The following TTC14 variants were observed in gnomAD, a reference collection of about 807,000 sequenced individuals.
TTC14 encodes the protein tetratricopeptide repeat domain 14.
In TTC14, 63 loss-of-function variants were observed where a neutral mutation model predicts 79.9. That is an observed-to-expected ratio of 0.79 (90% CI 0.64 to 0.97). TTC14 has a LOEUF of 0.97. Among genes scored for constraint, TTC14 ranks in the 50% least tolerant of loss-of-function variants. The pLI, the probability that TTC14 is intolerant of heterozygous loss-of-function variation, is 0.00. For synonymous variants in TTC14, 335 were observed against 309.6 expected, an observed-to-expected ratio of 1.08 and a Z score of -0.86; for missense variants, 895 against 894.0, an observed-to-expected ratio of 1.00 and a Z score of -0.01.
At chr3:180,617,002 C>T in intron 12 of TTC14, 5 of 1,113,734 alleles carry the variant, frequency 4.5e-6, no homozygotes, top group East Asian at 2.7e-5. Flanking sequence ...TTTTTAGAAT[C>T]AGAAATTGAC....
downstream of TTC14, chr3:180,611,191 A>G (rs1716982940): frequency 1.0e-6 from 1 of 984,012 alleles, no homozygotes; most frequent in African/African-American, 1.7e-5. Context: ...ATAGGAGCCC[A>G]TTTTGCTTAT....
chr3:180,615,432 T>G (rs753095318), downstream of TTC14, among the ~76,000 whole-genome samples: 6 of 152,166 alleles, frequency 3.9e-5, no homozygotes, highest in Non-Finnish European at 8.8e-5. Context: ...CAAAAATAAT[T>G]AAAATGATAC....
intron 12 of TTC14, chr3:180,616,360 C>A: frequency 6.2e-7 from 1 of 1,610,642 alleles, no homozygotes; most frequent in Non-Finnish European, 8.5e-7. Flanking sequence ...AGTTCTAACC[C>A]ACTCTGGAGG....
Position 180,611,006 on chromosome 3 carries a change from T to C in TTC14, c.*464T>C, listed in dbSNP as rs1716973258. 2 of 936,328 alleles carry C rather than the reference T, an allele frequency of 2.1e-6. No individual in the cohort carries two copies. The highest frequency in any genetic ancestry group is 1.3e-6 in the Non-Finnish European group (1 of 785,532). 58.0% of individuals were successfully genotyped at this position (936,328 alleles called of 1,614,324 possible). ...ATGTTCGAATGTTTCTTGAACACTT[T>C]TATATTTATCAGTTTAAATATTACA... On this transcript the variant is annotated 3_prime_UTR_variant, in exon 12 of 12. Transcript: ENST00000296015.
At chr3:180,608,616 G>C in intron 10 of TTC14, 85 bp from the exon 11 acceptor site, 3 of 1,363,824 alleles carry the variant, frequency 2.2e-6, no homozygotes, top group Non-Finnish European at 2.8e-6. Context: ...TGGGTTTCTC[G>C]TTGGGGGTGG....
In TTC14 at chr3:180,616,649, T is replaced by A; in HGVS notation, c.1775-731T>A. On this transcript the variant is annotated intron_variant, in intron 12 of 12. Coordinates refer to the TTC14 transcript ENST00000382584. The stretch of plus-strand genomic sequence containing the variant: ...GATGTCTTGTTCTTCCATTGTTTCA[T>A]CTTTTGTGTCTTTCAAAAGACGGAT... 6.3e-7 allele frequency: 1 copy of A among 1,592,696 alleles called. No homozygotes were observed. The highest frequency in any genetic ancestry group is 8.6e-7 in the Non-Finnish European group (1 of 1,167,852).
chr3:180,617,440 A>G (rs1459468136), exon 13 of TTC14: 1 of 684,792 alleles, frequency 1.5e-6, no homozygotes. Context: ...CCTTCAGGAG[A>G]TATTCCAGAA....
chr3:180,609,540 A>C, intron 11 of TTC14, 90 bp from the exon 12 acceptor site: 6 of 1,369,224 alleles, frequency 4.4e-6, no homozygotes, highest in Non-Finnish European at 5.7e-6. Flanking sequence ...CTTTTATAAA[A>C]TCTTTAAAGG....
Position 180,609,844 on chromosome 3 carries a change from G to A in TTC14, c.1615G>A (p.Val539Ile), listed in dbSNP as rs1273926214. Residue 539 changes from valine to isoleucine, a missense_variant, in exon 12 of 12, where the codon GTT becomes ATT. Val to Ile is a conservative substitution (Grantham distance 29). Transcript: ENST00000296015. ...GAATAGGAAAGATGAGTGCTACCCA[G>A]TTCCAGCTAATACTTCAGCATCTTT... ...DQNRKDECYP[V>I]PANTSASFLN... The A allele has an allele frequency of 6.2e-7, 1 of 1,613,640 alleles. No homozygotes were observed. The highest frequency in any genetic ancestry group is 8.5e-7 in the Non-Finnish European group (1 of 1,179,850).
In TTC14 at chr3:180,610,060, A is replaced by G; in HGVS notation, c.1831A>G (p.Ser611Gly). ...YNSYKTQAGSSKTEKPYKSER... is the reference protein window; with the variant it reads ...YNSYKTQAGSGKTEKPYKSER... ...CAGCTATAAAACCCAAGCAGGTAGTAGCAAAACAGAAAAGCCATATAAATC... is the reference window on the plus strand; with the variant it reads ...CAGCTATAAAACCCAAGCAGGTAGTGGCAAAACAGAAAAGCCATATAAATC... Residue 611 changes from serine to glycine, a missense_variant, in exon 12 of 12, where the codon AGC becomes GGC. Coordinates refer to ENST00000296015, the MANE Select transcript of TTC14 (RefSeq NM_133462.4). 1 of 1,614,076 alleles carries G rather than the reference A, an allele frequency of 6.2e-7. No individual in the cohort carries two copies. Among genetic ancestry groups the G allele is most frequent in the South Asian group, 1.1e-5 (1 of 91,070 alleles).
Position 180,606,235 on chromosome 3 carries a change from T to C in TTC14, c.930-18T>C. The C allele has an allele frequency of 6.2e-7, 1 of 1,612,888 alleles. No homozygotes were observed. Among genetic ancestry groups the C allele is most frequent in the Non-Finnish European group, 8.5e-7 (1 of 1,179,646 alleles). ...ATTGTTTGAAGTGTTTGTGATGCTT[T>C]ACAAATGTCTTTTTTAGTGTGAAGA... On this transcript the variant is annotated intron_variant, in intron 7 of 11. Transcript: ENST00000296015.
At chr3:180,603,838 T>TA (rs1398662532) in intron 3 of TTC14, 7 of 237,900 alleles carry the variant, frequency 2.9e-5, no homozygotes, top group African/African-American at 1.6e-4. Flanking sequence ...TCCAGGCAGA[T>TA]AAAAAGGAAG....
downstream of TTC14, chr3:180,613,957 G>C (rs1472002918): frequency 2.5e-6 from 1 of 402,048 alleles, no homozygotes; most frequent in East Asian, 7.2e-5. Flanking sequence ...AATAATGACA[G>C]TTGTAATGAG....
At position 180,610,768 on chromosome 3, in the gene TTC14, A is replaced by G. The variant is rs1368224691; in HGVS notation, c.*226A>G. 8.8e-7 allele frequency: 1 copy of G among 1,133,292 alleles called. No individual in the cohort carries two copies. The highest frequency in any genetic ancestry group is 1.6e-5 in the African/African-American group (1 of 61,896). The allele number at this position is 1,133,292 out of a possible 1,614,324, so 70.2% of individuals were successfully genotyped here. A position where few individuals can be genotyped will look rare whatever the true frequency, so the allele number is the denominator to read the frequency against. ...TTATGTATATGTTTATGTACAGTAT[A>G]TTACTCTTGACAGTTTGAATTTCTT... On this transcript the variant is annotated 3_prime_UTR_variant, in exon 12 of 12. Coordinates refer to ENST00000296015, the MANE Select transcript of TTC14 (RefSeq NM_133462.4).
Position 180,610,691 on chromosome 3 carries a change from CA to C in TTC14, c.*152del. 7.2e-7 allele frequency: 1 copy of C among 1,387,770 alleles called. No individual in the cohort carries two copies. The highest frequency in any genetic ancestry group is 9.3e-7 in the Non-Finnish European group (1 of 1,075,028). The allele number at this position is 1,387,770 out of a possible 1,614,324, so 86.0% of individuals were successfully genotyped here. ...CAAATGCTTTTAAGTAAGTTTTTCT[CA>C]AATTTTGTTTCAGTTCTAGGTCCCT... is the stretch of plus-strand genomic sequence containing the variant. On this transcript the variant is annotated 3_prime_UTR_variant, in exon 12 of 12. Coordinates refer to ENST00000296015, the MANE Select transcript of TTC14 (RefSeq NM_133462.4).
intron 10 of TTC14, 110 bp from the exon 11 acceptor site, chr3:180,608,591 T>G: frequency 7.4e-7 from 1 of 1,343,728 alleles, no homozygotes; most frequent in Non-Finnish European, 9.6e-7. Context: ...CTATGGTGAT[T>G]TGGTTTTACT....
chr3:180,604,927 TC>T lies in TTC14; in HGVS notation c.779del (p.Pro260GlnfsTer3). On this transcript the variant is annotated frameshift_variant, in exon 6 of 12. Transcript: ENST00000296015. LOFTEE classifies it high-confidence loss of function. ...TGCAGAGTTCCTTGGGATTTGTTAA[TC>T]CAGGAGTAGTTGAATTCCTTCTAGA... ...VMQSSLGFVN[P>X]GVVEFLLEKL... 6.2e-7 allele frequency: 1 copy of T among 1,614,094 alleles called. No homozygotes were observed. Among genetic ancestry groups the T allele is most frequent in the Non-Finnish European group, 8.5e-7 (1 of 1,179,980 alleles).
At chr3:180,614,381 G>T (rs1717138339), downstream of TTC14, 1 of 148,192 alleles carries the variant, frequency 6.7e-6, no homozygotes. Context: ...TTTTTGGGGG[G>T]GTGGGGTGGG....
chr3:180,606,917 A>G (rs932766336), intron 9 of TTC14, among the ~76,000 whole-genome samples: 2 of 152,120 alleles, frequency 1.3e-5, no homozygotes, highest in African/African-American at 4.8e-5. Flanking sequence ...AGCTTTTTAC[A>G]TACTTACTAG....
Sources: allele counts gnomAD v4.1 joint callset (sites outside exome capture counted in the v4.1 genomes callset), GRCh38; gene constraint gnomAD v4.1.1; transcripts MANE v1.5; gene names NCBI Gene and HGNC (gene_info 2026-07-23, HGNC 2026-07-21).